Variants in PIEZO2 observed in about 807,000 individuals in gnomAD.
PIEZO2 encodes piezo type mechanosensitive ion channel component 2, also known as piezo-type mechanosensitive ion channel component 2.
PIEZO2 carries 172 observed loss-of-function variants against 337.3 expected under a neutral mutation model. The observed-to-expected ratio is 0.51, with a 90% CI of 0.45 to 0.58. The LOEUF (loss-of-function observed/expected upper bound fraction) is 0.58. PIEZO2 is among the 20% of genes least tolerant of loss of function. The probability of loss-of-function intolerance (pLI) is 0.00; values close to 1 mark genes in which losing one functional copy is unlikely to be tolerated. For missense variants in PIEZO2, 3,028 were observed against 3,391.3 expected (o/e 0.89, Z 2.66); for synonymous variants, 1,251 against 1,228.5 (o/e 1.02, Z -0.38).
At chr18:10,762,411 A>T in intron 23 of PIEZO2, 89 bp downstream of exon 23, 5 of 1,430,994 alleles carry the variant, frequency 3.5e-6, no homozygotes, top group South Asian at 1.4e-5. Context: ...GGTTACTATC[A>T]AATGTGATGT....
In PIEZO2 at chr18:11,105,564, A is replaced by C. The variant is rs1422072388; in HGVS notation, c.65-39342T>G. Among the ~76,000 whole-genome samples the C allele has an allele frequency of 1.3e-5, 2 of 152,024 alleles. No homozygotes were observed. The highest frequency in any genetic ancestry group is 2.9e-5 in the Non-Finnish European group (2 of 68,022). On this transcript the variant is annotated intron_variant, in intron 1 of 55. Coordinates refer to ENST00000674853, the MANE Select transcript of PIEZO2 (RefSeq NM_001378183.1). The surrounding 1 kb of genome is among the most constrained non-coding windows in gnomAD (Gnocchi z 4.3). ...GCTTTAGGTGTGGGGTTTTGACGAA[A>C]TGAACATACTCATCCTTTATCTGTA...
At chr18:10,948,813 G>C (rs553929954) in intron 3 of PIEZO2, among the ~76,000 whole-genome samples, 5 of 152,276 alleles carry the variant, frequency 3.3e-5, no homozygotes, top group South Asian at 4.1e-4. Context: ...TTTATAATGT[G>C]TGTATGTTAC....
chr18:10,691,912 C>G (rs1305642060), intron 47 of PIEZO2, among the ~76,000 whole-genome samples: 3 of 151,240 alleles, frequency 2.0e-5, no homozygotes, highest in Non-Finnish European at 4.4e-5. Flanking sequence ...GATTAACAAA[C>G]TCTGGAAACA....
intron 7 of PIEZO2, among the ~76,000 whole-genome samples, chr18:10,818,680 A>C: frequency 6.6e-6 from 1 of 152,214 alleles, no homozygotes. Context: ...GATGGAGGAC[A>C]GTAAATAAGA....
intron 1 of PIEZO2, among the ~76,000 whole-genome samples, chr18:11,107,959 C>T (rs2039617773): frequency 6.6e-6 from 1 of 152,156 alleles, no homozygotes; most frequent in African/African-American, 2.4e-5. Flanking sequence ...CTGACTTTTA[C>T]CTCCAAGTAG....
rs1184425323 is a variant in PIEZO2, at chr18:10,753,076, C to T, written c.3924-197G>A. Among the ~76,000 whole-genome samples the T allele has an allele frequency of 5.3e-5, 8 of 152,240 alleles. No individual in the cohort carries two copies. In the East Asian group the frequency reaches 1.2e-3, roughly 22 times the overall value. Reference sequence around the variant, plus strand: ...AGACCAATAGATGAGTTTTGGAAACCGTGTATGCTTCTCGTCACCTTATTC... The same window carrying T: ...AGACCAATAGATGAGTTTTGGAAACTGTGTATGCTTCTCGTCACCTTATTC... On this transcript the variant is annotated intron_variant, in intron 27 of 55. Transcript: ENST00000674853.
At position 11,131,290 on chromosome 18, in the gene PIEZO2, C is replaced by T. The variant is rs1599007290; in HGVS notation, c.64+17235G>A. ...GAAGTGATATATACATGATCGGGCTCGAGCAGGTCCTGAGGGCACAAGTAA... is the reference window on the plus strand; with the variant it reads ...GAAGTGATATATACATGATCGGGCTTGAGCAGGTCCTGAGGGCACAAGTAA... On this transcript the variant is annotated intron_variant, in intron 1 of 55. Transcript: ENST00000674853. This position sits in a 1 kb window ranked among gnomAD's most constrained non-coding sequence, Gnocchi z 5.3. Among the ~76,000 whole-genome samples, 1 of 152,144 alleles carries T rather than the reference C, an allele frequency of 6.6e-6. No individual in the cohort carries two copies. The highest frequency in any genetic ancestry group is 2.4e-5 in the African/African-American group (1 of 41,444).
chr18:10,774,454 G>A (rs376883785), intron 18 of PIEZO2, among the ~76,000 whole-genome samples: 3,753 of 62,062 alleles, frequency 0.06, 148 homozygotes, highest in African/African-American at 0.16. Flanking sequence ...TCTAAAGCAT[G>A]TGCCATGGAA....
intron 21 of PIEZO2, among the ~76,000 whole-genome samples, chr18:10,764,651 T>A (rs1441255165): frequency 6.6e-6 from 1 of 152,176 alleles, no homozygotes; most frequent in Non-Finnish European, 1.5e-5. Flanking sequence ...CATGACTGTA[T>A]TTAATTCTGC....
At chr18:10,687,443 A>G (rs1055389788) in intron 49 of PIEZO2, among the ~76,000 whole-genome samples, 4 of 152,070 alleles carry the variant, frequency 2.6e-5, no homozygotes, top group African/African-American at 9.7e-5. Context: ...TGTTTGGGTC[A>G]CCACTCTACT....
intron 7 of PIEZO2, among the ~76,000 whole-genome samples, chr18:10,841,836 A>G (rs1404516737): frequency 3.3e-5 from 5 of 151,940 alleles, no homozygotes; most frequent in African/African-American, 4.8e-5. Flanking sequence ...TTTTTACAGG[A>G]TTAAATACAC....
Position 11,146,762 on chromosome 18 carries a change from C to T in PIEZO2, c.64+1763G>A, listed in dbSNP as rs2040821786. Among the ~76,000 whole-genome samples the T allele has an allele frequency of 6.6e-6, 1 of 152,182 alleles. No homozygotes were observed. Among genetic ancestry groups the T allele is most frequent in the African/African-American group, 2.4e-5 (1 of 41,452 alleles). The stretch of plus-strand genomic sequence containing the variant: ...GTCACAGAGTGGACCGAGCTGGCTG[C>T]AGGGAACCACATGCCTAACTCTTCC... On this transcript the variant is annotated intron_variant, in intron 1 of 55. Coordinates refer to ENST00000674853, the MANE Select transcript of PIEZO2 (RefSeq NM_001378183.1). The surrounding 1 kb of genome is among the most constrained non-coding windows in gnomAD (Gnocchi z 6.1).
intron 7 of PIEZO2, among the ~76,000 whole-genome samples, chr18:10,835,824 G>T (rs193192206): frequency 3.9e-5 from 6 of 152,366 alleles, no homozygotes; most frequent in Admixed American, 1.3e-4. Flanking sequence ...AGCGCGTCCA[G>T]CCTGAGTTCT....
intron 4 of PIEZO2, among the ~76,000 whole-genome samples, chr18:10,910,944 C>G (rs973215429): frequency 6.6e-6 from 1 of 151,430 alleles, no homozygotes; most frequent in Admixed American, 6.6e-5. Context: ...GTTCAAGATG[C>G]GTTTTCACAT....
chr18:10,726,907 G>A lies in PIEZO2; in HGVS notation c.5029+4500C>T, dbSNP rs2036567536. ...CATCATGGCCACCAACCGGCTGGAT[G>A]TGGCGGAGCTGGGTCGCCTGCTGCC... On this transcript the variant is annotated intron_variant, in intron 36 of 55. Transcript: ENST00000674853. This position sits in a 1 kb window ranked among gnomAD's most constrained non-coding sequence, Gnocchi z 5.9. The A allele has an allele frequency of 5.1e-6, 8 of 1,583,994 alleles. No individual in the cohort carries two copies. The South Asian group carries it at 9.2e-5, about 18-fold the overall frequency.
chr18:11,004,787 A>C (rs1323546192), intron 2 of PIEZO2, among the ~76,000 whole-genome samples: 2 of 152,218 alleles, frequency 1.3e-5, no homozygotes, highest in African/African-American at 2.4e-5. Flanking sequence ...AATTGTCATG[A>C]CATTCAACAA....
At chr18:10,749,927 T>C (rs948156407) in intron 29 of PIEZO2, among the ~76,000 whole-genome samples, 164 bp downstream of exon 29, 5 of 152,362 alleles carry the variant, frequency 3.3e-5, no homozygotes, top group African/African-American at 4.8e-5. Context: ...TCTCATGTTA[T>C]AGACAATAGA....
intron 4 of PIEZO2, among the ~76,000 whole-genome samples, chr18:10,907,323 A>G (rs1255750364): frequency 6.6e-6 from 1 of 152,124 alleles, no homozygotes; most frequent in East Asian, 1.9e-4. Flanking sequence ...GGTGCATGTA[A>G]TCTCAGCTAC....
intron 2 of PIEZO2, among the ~76,000 whole-genome samples, chr18:11,013,721 C>A (rs1418705500): frequency 6.6e-6 from 1 of 152,124 alleles, no homozygotes; most frequent in Non-Finnish European, 1.5e-5. Context: ...CATTTAGAGT[C>A]CACCTGGATG....
Sources: gnomAD v4.1 joint callset for allele counts (sites outside exome capture counted in the v4.1 genomes callset) on GRCh38, gnomAD v4.1.1 for gene constraint, Gnocchi (gnomAD v3.1) non-coding constraint, MANE v1.5 for transcripts, NCBI Gene and HGNC (gene_info 2026-07-23, HGNC 2026-07-21) for gene names.